Variants in SIL1 observed in about 807,000 individuals in gnomAD.
SIL1 encodes SIL1 nucleotide exchange factor.
Under a neutral mutation model 49.1 loss-of-function variants are expected in SIL1, and 40 were observed. The ratio of observed to expected loss-of-function variants is 0.81; its 90% CI spans 0.63 to 1.06. SIL1 has a LOEUF of 1.06. Ranked by LOEUF, SIL1 falls within the 50% of genes least tolerant of loss-of-function variation. The pLI is 0.00. For synonymous variants in SIL1, 253 were observed against 250.8 expected, an observed-to-expected ratio of 1.01 and a Z score of -0.08; for missense variants, 500 against 572.6, an observed-to-expected ratio of 0.87 and a Z score of 1.29.
intron 3 of SIL1, among the ~76,000 whole-genome samples, chr5:139,106,988 G>A (rs1201182444): frequency 6.6e-6 from 1 of 152,230 alleles, no homozygotes; most frequent in Non-Finnish European, 1.5e-5. Flanking sequence ...AAAACAGGCA[G>A]AATTTCATTT....
chr5:139,070,231 T>C (rs912276196), intron 3 of SIL1, among the ~76,000 whole-genome samples: 1 of 151,962 alleles, frequency 6.6e-6, no homozygotes, highest in Non-Finnish European at 1.5e-5. Flanking sequence ...ATGTACAAAA[T>C]GAGACAGATC....
At chr5:138,980,719 C>G (rs1193457170) in intron 7 of SIL1, among the ~76,000 whole-genome samples, 1 of 152,118 alleles carries the variant, frequency 6.6e-6, no homozygotes, top group African/African-American at 2.4e-5. Flanking sequence ...AAAATGGTGC[C>G]AATTAGAAAG....
chr5:139,009,907 A>G (rs1055326797), intron 7 of SIL1, among the ~76,000 whole-genome samples: 1 of 149,324 alleles, frequency 6.7e-6, no homozygotes, highest in African/African-American at 2.5e-5. Flanking sequence ...TTTTTCCTTC[A>G]TTTCAACTTT....
intron 1 of SIL1, among the ~76,000 whole-genome samples, chr5:139,191,763 C>T (rs1270408226): frequency 7.9e-5 from 12 of 151,984 alleles, no homozygotes; most frequent in South Asian, 6.2e-4. Flanking sequence ...TATACTCCAG[C>T]GTGGGCAACA....
chr5:139,181,143 T>C (rs1751975304), intron 1 of SIL1, among the ~76,000 whole-genome samples: 1 of 152,196 alleles, frequency 6.6e-6, no homozygotes, highest in Non-Finnish European at 1.5e-5. Flanking sequence ...GTTTAAACAG[T>C]ACATAAGCAA....
intron 7 of SIL1, among the ~76,000 whole-genome samples, chr5:139,011,732 T>C (rs1243991186): frequency 6.6e-6 from 1 of 152,184 alleles, no homozygotes; most frequent in Non-Finnish European, 1.5e-5. Flanking sequence ...TGTGAGCTCA[T>C]GATCATAGGA....
At chr5:139,076,704 C>T (rs10069980) in intron 3 of SIL1, among the ~76,000 whole-genome samples, 25,247 of 152,146 alleles carry the variant, frequency 0.17, 5,674 homozygotes, top group African/African-American at 0.52. Flanking sequence ...AATTTATAGC[C>T]ACTTCATTAT....
chr5:138,985,844 C>T (rs553896014), intron 7 of SIL1, among the ~76,000 whole-genome samples: 7 of 152,288 alleles, frequency 4.6e-5, no homozygotes, highest in South Asian at 2.1e-4. Context: ...TGGGCGGGAA[C>T]GTGGACTTCC....
At chr5:139,008,918 C>T (rs1473131865) in intron 7 of SIL1, among the ~76,000 whole-genome samples, 1 of 151,486 alleles carries the variant, frequency 6.6e-6, no homozygotes, top group African/African-American at 2.4e-5. Context: ...TGGTGTGGTG[C>T]TGAAAAAAAT....
intron 3 of SIL1, among the ~76,000 whole-genome samples, chr5:139,093,386 G>C (rs145208598): frequency 8.5e-5 from 13 of 152,316 alleles, no homozygotes; most frequent in African/African-American, 2.9e-4. Context: ...CTAACACAGG[G>C]AGACAGGTGT....
chr5:139,110,039 C>A (rs1006572865), intron 3 of SIL1, among the ~76,000 whole-genome samples: 2 of 151,802 alleles, frequency 1.3e-5, no homozygotes, highest in Admixed American at 6.6e-5. Flanking sequence ...CATGGTGGCA[C>A]GCGCCTGTAG....
chr5:139,022,273 C>T (rs796364410), intron 6 of SIL1: 3 of 152,384 alleles, frequency 2.0e-5, no homozygotes, highest in African/African-American at 7.2e-5. Context: ...TCTTTCTCCT[C>T]CAGATTCCAC....
At chr5:139,123,230 G>A (rs1202743438) in intron 2 of SIL1, among the ~76,000 whole-genome samples, 3 of 152,158 alleles carry the variant, frequency 2.0e-5, no homozygotes. Context: ...GAGCTCAAAA[G>A]AAAACTAGGA....
At chr5:138,952,216 C>T (rs961717427) in intron 7 of SIL1, among the ~76,000 whole-genome samples, 5 of 152,232 alleles carry the variant, frequency 3.3e-5, no homozygotes, top group Middle Eastern at 3.2e-3. Flanking sequence ...GCGTCCCTCC[C>T]GTAGGAAGCC....
At chr5:139,101,421 A>C (rs1406563058) in intron 3 of SIL1, among the ~76,000 whole-genome samples, 3 of 152,176 alleles carry the variant, frequency 2.0e-5, no homozygotes, top group Non-Finnish European at 2.9e-5. Context: ...AGCAACCCTA[A>C]CACTTCAATG....
rs770466067 is a variant in SIL1 at position 139,051,034 on chromosome 5, G to A, written c.257C>T (p.Pro86Leu). 2 of 1,614,148 alleles carry A rather than the reference G, an allele frequency of 1.2e-6. No homozygotes were observed. The highest frequency in any genetic ancestry group is 1.7e-6 in the Non-Finnish European group (2 of 1,180,006). The change falls in exon 4 of 10, where the codon CCT becomes CTT. Residue 86 changes from proline (P) to leucine (L), a missense_variant. Pro to Leu is a moderately conservative substitution (Grantham distance 98, BLOSUM62 -3). Coordinates refer to ENST00000394817, the MANE Select transcript of SIL1 (RefSeq NM_022464.5). ...WQALQPGQAV[P>L]AGSHVRLNLQ... The stretch of plus-strand genomic sequence containing the variant: ...ATTCAGCCGTACGTGGGATCCTGCA[G>A]GGACAGCCTGCCCTAAAAGCCAAGA...
At chr5:139,123,013 A>G (rs935857557) in intron 2 of SIL1, among the ~76,000 whole-genome samples, 10 of 152,224 alleles carry the variant, frequency 6.6e-5, no homozygotes, top group African/African-American at 2.2e-4. Flanking sequence ...CATCTAGCTC[A>G]TAGTTAGATG....
chr5:139,042,777 G>C (rs1170291264), intron 4 of SIL1, 58 bp from the exon 5 acceptor site: 1 of 1,487,854 alleles, frequency 6.7e-7, no homozygotes, highest in Non-Finnish European at 9.4e-7. Flanking sequence ...GTGGCTCACA[G>C]TTGTAATCCC....
chr5:139,091,909 G>A (rs1770351022), intron 3 of SIL1, among the ~76,000 whole-genome samples: 1 of 152,186 alleles, frequency 6.6e-6, no homozygotes, highest in African/African-American at 2.4e-5. Flanking sequence ...TTGCAATACA[G>A]CCCTGCAGAT....
Sources: gnomAD v4.1 joint callset for allele counts (sites outside exome capture counted in the v4.1 genomes callset) on GRCh38, gnomAD v4.1.1 for gene constraint, MANE v1.5 for transcripts, NCBI Gene and HGNC (gene_info 2026-07-23, HGNC 2026-07-21) for gene names.